The following DLGAP1 variants were observed in gnomAD, a reference collection of about 807,000 sequenced individuals.
The protein encoded by DLGAP1 is DLG associated protein 1.
A neutral mutation model predicts 90.8 loss-of-function variants in DLGAP1; 11 were observed. The ratio of observed to expected loss-of-function variants is 0.12; its 90% CI spans 0.08 to 0.20. The LOEUF is 0.20. DLGAP1 is among the 10% of genes least tolerant of loss of function. The probability of loss-of-function intolerance (pLI) is 1.00; values close to 1 mark genes in which losing one functional copy is unlikely to be tolerated. For synonymous variants in DLGAP1, 558 were observed against 540.7 expected (o/e 1.03, Z -0.44); for missense variants, 1,050 against 1,333.8 (o/e 0.79, Z 3.31).
chr18:3,531,817 T>C (rs533710599), intron 10 of DLGAP1, among the ~76,000 whole-genome samples: 42 of 152,086 alleles, frequency 2.8e-4, no homozygotes, highest in Non-Finnish European at 4.6e-4. Flanking sequence ...TTTCTATAAG[T>C]GTGAGCTACA....
intron 3 of DLGAP1, among the ~76,000 whole-genome samples, chr18:3,979,997 G>A (rs571039788): frequency 4.6e-5 from 7 of 152,206 alleles, no homozygotes; most frequent in Middle Eastern, 3.4e-3. Context: ...TTAGCCAGGC[G>A]TGGTGGCAGG....
chr18:3,982,677 A>C (rs983426644), intron 3 of DLGAP1, among the ~76,000 whole-genome samples: 2 of 152,074 alleles, frequency 1.3e-5, no homozygotes, highest in Non-Finnish European at 2.9e-5. Flanking sequence ...TCTTCTCCTC[A>C]TCATTAAGTC....
rs559233147 is a variant in DLGAP1 at position 4,317,050 on chromosome 18, C to T, written c.-267+137956G>A. ...CTGGAGATACCCTAGACATGAGATA[C>T]CACCAGCAGAGATGTCACTGGCCTA... On this transcript the variant is annotated intron_variant, in intron 1 of 12. Transcript: ENST00000315677. Among the ~76,000 whole-genome samples, 3 of 152,276 alleles carry T rather than the reference C, an allele frequency of 2.0e-5. No homozygotes were observed. In the East Asian group the frequency reaches 5.8e-4, roughly 29 times the overall value.
intron 3 of DLGAP1, among the ~76,000 whole-genome samples, chr18:3,956,823 G>T (rs1024878229): frequency 6.6e-6 from 1 of 151,854 alleles, no homozygotes; most frequent in African/African-American, 2.4e-5. Flanking sequence ...GCTAATTTTT[G>T]TATTTTTTTG....
At position 4,378,143 on chromosome 18, in the gene DLGAP1, T is replaced by C. The variant is rs935542527; in HGVS notation, c.-267+76863A>G. Among the ~76,000 whole-genome samples, 11 of 149,396 alleles carry C rather than the reference T, an allele frequency of 7.4e-5. No individual in the cohort carries two copies. The highest frequency in any genetic ancestry group is 4.0e-4 in the Admixed American group (6 of 14,916). The stretch of plus-strand genomic sequence containing the variant: ...TATTGTATATAAAATTTATATTATA[T>C]ATATTTGAAAAAAGTCTGCAAAGAT... On this transcript the variant is annotated intron_variant, in intron 1 of 12. Transcript: ENST00000315677. This position sits in a 1 kb window ranked among gnomAD's most constrained non-coding sequence, Gnocchi z 4.5.
At chr18:3,601,846 G>GAAAAAAAAAA (rs60470269) in intron 7 of DLGAP1, among the ~76,000 whole-genome samples, 32,649 of 95,218 alleles carry the variant, frequency 0.34, 6,202 homozygotes, top group East Asian at 0.45. Flanking sequence ...CTCCATCTCG[G>GAAAAAAAAAA]AAAAAAAAAA....
intron 2 of DLGAP1, among the ~76,000 whole-genome samples, chr18:4,147,945 T>C (rs867402973): frequency 6.6e-6 from 1 of 152,260 alleles, no homozygotes; most frequent in South Asian, 2.1e-4. Flanking sequence ...TGGGAACATG[T>C]TAGAAATGTG....
intron 2 of DLGAP1, among the ~76,000 whole-genome samples, chr18:4,080,946 T>A (rs1288045999): frequency 7.3e-5 from 11 of 150,300 alleles, no homozygotes. Context: ...TGGAGTGCAA[T>A]GGCGCAATCT....
At chr18:3,796,735 C>T (rs927244602) in intron 5 of DLGAP1, among the ~76,000 whole-genome samples, 1 of 152,224 alleles carries the variant, frequency 6.6e-6, no homozygotes, top group African/African-American at 2.4e-5. Flanking sequence ...AAGCAAATTC[C>T]AGCAGCAGGC....
chr18:4,124,779 G>A (rs1054121821), intron 2 of DLGAP1, among the ~76,000 whole-genome samples: 2 of 152,196 alleles, frequency 1.3e-5, no homozygotes, highest in Non-Finnish European at 2.9e-5. Context: ...AGGGTTCAGA[G>A]TTCATGAGAA....
intron 2 of DLGAP1, among the ~76,000 whole-genome samples, chr18:4,035,990 T>C (rs1203017458): frequency 6.6e-6 from 1 of 152,136 alleles, no homozygotes; most frequent in African/African-American, 2.4e-5. Context: ...AGAGGACACT[T>C]AGTACCGGGA....
At chr18:3,844,750 A>G (rs1167620020) in intron 4 of DLGAP1, among the ~76,000 whole-genome samples, 1 of 152,336 alleles carries the variant, frequency 6.6e-6, no homozygotes, top group South Asian at 2.1e-4. Context: ...GAAAATTACT[A>G]CCTTCTCTAG....
chr18:4,327,630 T>G (rs1391898409), intron 1 of DLGAP1, among the ~76,000 whole-genome samples: 1 of 152,064 alleles, frequency 6.6e-6, no homozygotes, highest in Non-Finnish European at 1.5e-5. Context: ...CATCTTAATT[T>G]GTAACATATA....
intron 3 of DLGAP1, among the ~76,000 whole-genome samples, chr18:3,913,056 C>T (rs1599151165): frequency 6.6e-6 from 1 of 152,080 alleles, no homozygotes; most frequent in East Asian, 1.9e-4. Context: ...AGTTGTGGTT[C>T]TATAGTCTTT....
intron 1 of DLGAP1, among the ~76,000 whole-genome samples, chr18:4,453,496 C>CCAGTTCAGTTCAGTTCA (rs2083885562): frequency 6.6e-6 from 1 of 152,112 alleles, no homozygotes. Flanking sequence ...AATAGAAAGT[C>CCAGTTCAGTTCAGTTCA]GTTTCCTGAA....
chr18:3,818,593 G>A (rs992434516), intron 4 of DLGAP1, among the ~76,000 whole-genome samples: 2 of 149,028 alleles, frequency 1.3e-5, no homozygotes, highest in Non-Finnish European at 3.0e-5. Context: ...CATATTGAAA[G>A]AACTATTTCA....
chr18:4,111,655 T>G (rs1029019808), intron 2 of DLGAP1, among the ~76,000 whole-genome samples: 3 of 152,154 alleles, frequency 2.0e-5, no homozygotes, highest in African/African-American at 7.2e-5. Context: ...TTAGATTTTC[T>G]CTTTGTCTGA....
In DLGAP1 at chr18:3,885,190, C is replaced by T. The variant is rs1035162806; in HGVS notation, c.-72-5050G>A. 2.6e-5 allele frequency among the ~76,000 whole-genome samples: 4 copies of T among 152,162 alleles called. 1 individual carries two copies. The highest frequency in any genetic ancestry group is 2.6e-4 in the Admixed American group (4 of 15,264). ...TTCCTCTTGCCTTACTCTTAAACTC[C>T]CTTTCCAGCACATTTATCTCTGTCA... On this transcript the variant is annotated intron_variant, in intron 3 of 12. Coordinates refer to ENST00000315677, the MANE Select transcript of DLGAP1 (RefSeq NM_004746.4).
intron 7 of DLGAP1, among the ~76,000 whole-genome samples, chr18:3,587,474 C>G (rs1422956455): frequency 6.6e-6 from 1 of 152,094 alleles, no homozygotes; most frequent in Non-Finnish European, 1.5e-5. Flanking sequence ...GGATTGTAAA[C>G]GCACCAATCG....
Sources: allele counts gnomAD v4.1 joint callset (sites outside exome capture counted in the v4.1 genomes callset), GRCh38; gene constraint gnomAD v4.1.1; non-coding constraint Gnocchi (gnomAD v3.1); transcripts MANE v1.5; gene names NCBI Gene and HGNC (gene_info 2026-07-23, HGNC 2026-07-21).